Variants in DHX15 observed in about 807,000 individuals in gnomAD.
The protein encoded by DHX15 is DEAH-box helicase 15, also known as ATP-dependent RNA helicase DHX15.
In DHX15, 11 loss-of-function variants were observed where a neutral mutation model predicts 94.4. The observed-to-expected ratio is 0.12, with a 90% CI of 0.07 to 0.19. DHX15 has a LOEUF of 0.19. Among genes scored for constraint, DHX15 ranks in the 10% least tolerant of loss-of-function variants. The pLI, the probability that DHX15 is intolerant of heterozygous loss-of-function variation, is 1.00. For missense variants in DHX15, 304 were observed against 988.5 expected (o/e 0.31, Z 9.29); for synonymous variants, 338 against 329.9 (o/e 1.02, Z -0.27).
intron 11 of DHX15, among the ~76,000 whole-genome samples, chr4:24,535,689 T>C (rs1721180843): frequency 6.6e-6 from 1 of 152,184 alleles, no homozygotes; most frequent in Admixed American, 6.5e-5. Context: ...ATCAGGGTTC[T>C]GGAGTAAGGA....
At chr4:24,570,080 A>T (rs7678664) in intron 3 of DHX15, among the ~76,000 whole-genome samples, 40,735 of 152,212 alleles carry the variant, frequency 0.27, 5,951 homozygotes, top group Non-Finnish European at 0.33. Flanking sequence ...GACAATAAAA[A>T]GTTGGTAGAG....
chr4:24,532,006 C>G (rs548861060), intron 12 of DHX15, among the ~76,000 whole-genome samples: 10 of 152,092 alleles, frequency 6.6e-5, no homozygotes, highest in Non-Finnish European at 1.2e-4. Flanking sequence ...TAAGCCACAT[C>G]GTGCTTAAAA....
intron 3 of DHX15, among the ~76,000 whole-genome samples, chr4:24,560,087 GTATAAC>G (rs1274094296): frequency 2.0e-5 from 3 of 152,208 alleles, no homozygotes; most frequent in Admixed American, 1.3e-4. Context: ...AGATGGCGTA[GTATAAC>G]TACAAGCCAA....
At chr4:24,566,292 T>TCC (rs1721990928) in intron 3 of DHX15, among the ~76,000 whole-genome samples, 1 of 152,024 alleles carries the variant, frequency 6.6e-6, no homozygotes, top group Non-Finnish European at 1.5e-5. Flanking sequence ...TGCCTCAGCC[T>TCC]CCCAAAGTGT....
At chr4:24,530,569 G>C (rs1205116275) in intron 12 of DHX15, 1 of 151,486 alleles carries the variant, frequency 6.6e-6, no homozygotes, top group Admixed American at 6.6e-5. Context: ...AGACCGAGAG[G>C]CTCCATTTCA....
intron 1 of DHX15, among the ~76,000 whole-genome samples, chr4:24,580,279 C>T (rs1452083422): frequency 2.0e-5 from 3 of 151,986 alleles, no homozygotes; most frequent in Non-Finnish European, 2.9e-5. Context: ...TGGGGTGGCA[C>T]GCCTGTAGTC....
At chr4:24,583,954 A>C (rs1722541563) in intron 1 of DHX15, among the ~76,000 whole-genome samples, 2 of 147,282 alleles carry the variant, frequency 1.4e-5, no homozygotes, top group Non-Finnish European at 1.5e-5. Context: ...GCCCTCCCCC[A>C]CCCTCTCCTC....
chr4:24,575,526 G>A (rs985148710), intron 2 of DHX15, among the ~76,000 whole-genome samples: 4 of 152,154 alleles, frequency 2.6e-5, no homozygotes, highest in Non-Finnish European at 4.4e-5. Context: ...AAAAATTCAC[G>A]TTTTAATAGT....
At chr4:24,564,237 C>T (rs1026262176) in intron 3 of DHX15, among the ~76,000 whole-genome samples, 4 of 151,962 alleles carry the variant, frequency 2.6e-5, no homozygotes, top group African/African-American at 4.8e-5. Flanking sequence ...TTTCTTTCAA[C>T]GTATGTGTAG....
intron 3 of DHX15, among the ~76,000 whole-genome samples, chr4:24,570,294 CTTCT>C (rs1395965628): frequency 6.6e-6 from 1 of 152,180 alleles, no homozygotes; most frequent in Non-Finnish European, 1.5e-5. Flanking sequence ...CCTATACATT[CTTCT>C]TTCTAAAAGT....
At chr4:24,547,931 ATATATATATATCTATATCTATATC>A (rs1721479301) in intron 6 of DHX15, among the ~76,000 whole-genome samples, 2 of 36,324 alleles carry the variant, frequency 5.5e-5, no homozygotes, top group African/African-American at 2.6e-4. Context: ...ATATATATAT[ATATATATATATCTATATCTATATC>A]TATATCTATC....
intron 5 of DHX15, among the ~76,000 whole-genome samples, chr4:24,553,979 G>GA (rs1721667859): frequency 6.6e-6 from 1 of 152,140 alleles, no homozygotes; most frequent in Non-Finnish European, 1.5e-5. Flanking sequence ...AGCACTTTGG[G>GA]AGGCCGAGGA....
At chr4:24,535,625 C>G (rs2109393345) in intron 11 of DHX15, among the ~76,000 whole-genome samples, 1 of 152,278 alleles carries the variant, frequency 6.6e-6, no homozygotes, top group Admixed American at 6.5e-5. Flanking sequence ...TGGGCCTGGG[C>G]AGAGAAGGGC....
intron 1 of DHX15, 176 bp downstream of exon 1, chr4:24,584,147 C>A (rs1560779450): frequency 1.5e-6 from 1 of 654,322 alleles, no homozygotes; most frequent in African/African-American, 1.9e-5. Flanking sequence ...ACCCCCCGCG[C>A]CCTTGCCGGG....
At chr4:24,563,130 A>G (rs1418605334) in intron 3 of DHX15, 1 of 150,804 alleles carries the variant, frequency 6.6e-6, no homozygotes, top group Non-Finnish European at 1.5e-5. Context: ...CTTTATATAC[A>G]TATAAAGAAA....
intron 12 of DHX15, among the ~76,000 whole-genome samples, chr4:24,532,031 G>T (rs1437810331): frequency 1.3e-5 from 2 of 152,192 alleles, no homozygotes; most frequent in Admixed American, 1.3e-4. Context: ...CAGCCAAAGA[G>T]AGAATGAACA....
intron 11 of DHX15, among the ~76,000 whole-genome samples, chr4:24,535,314 T>C (rs962291118): frequency 3.9e-5 from 6 of 152,332 alleles, no homozygotes; most frequent in Non-Finnish European, 5.9e-5. Flanking sequence ...GTCATACATC[T>C]AGTGAGTGGA....
chr4:24,565,611 G>A (rs539832559), intron 3 of DHX15, among the ~76,000 whole-genome samples: 14 of 152,292 alleles, frequency 9.2e-5, no homozygotes, highest in African/African-American at 3.1e-4. Context: ...GACAAGTCAC[G>A]TCAAGGTTTA....
intron 1 of DHX15, chr4:24,584,062 G>A (rs974978238): frequency 2.0e-6 from 1 of 507,314 alleles, no homozygotes; most frequent in Non-Finnish European, 3.5e-6. Flanking sequence ...CGGCCTGGGG[G>A]AGGAGGCGCC....
Sources: allele counts gnomAD v4.1 joint callset (sites outside exome capture counted in the v4.1 genomes callset), GRCh38; gene constraint gnomAD v4.1.1; transcripts MANE v1.5; gene names NCBI Gene and HGNC (gene_info 2026-07-23, HGNC 2026-07-21).